LRP1B: variants seen among roughly 807,000 people sequenced by gnomAD.
LRP1B encodes LDL receptor related protein 1B, also known as low-density lipoprotein receptor-related protein 1B.
In LRP1B, 217 loss-of-function variants were observed where a neutral mutation model predicts 556.6. That is an observed-to-expected ratio of 0.39 (90% CI 0.35 to 0.44). LRP1B has a LOEUF of 0.44. Ranked by LOEUF, LRP1B falls within the 20% of genes least tolerant of loss-of-function variation. The pLI, the probability that LRP1B is intolerant of heterozygous loss-of-function variation, is 1.00. For synonymous variants in LRP1B, 2,047 were observed against 1,865.8 expected (o/e 1.10, Z -2.50); for missense variants, 5,053 against 5,620.8 (o/e 0.90, Z 3.23).
At chr2:140,531,717 C>T (rs985150155) in intron 47 of LRP1B, among the ~76,000 whole-genome samples, 6 of 152,088 alleles carry the variant, frequency 3.9e-5, no homozygotes, top group East Asian at 1.9e-4. Flanking sequence ...CTTCAACCAA[C>T]GTGCTCTTGC....
intron 78 of LRP1B, among the ~76,000 whole-genome samples, chr2:140,335,160 C>T (rs1214869043): frequency 6.6e-6 from 1 of 150,908 alleles, no homozygotes; most frequent in Middle Eastern, 3.4e-3. Flanking sequence ...ATGTCTGTAA[C>T]ACACTCTTTA....
chr2:140,956,619 A>G (rs1695880767), intron 18 of LRP1B, among the ~76,000 whole-genome samples: 1 of 151,816 alleles, frequency 6.6e-6, no homozygotes, highest in South Asian at 2.1e-4. Flanking sequence ...CAGACTTCAA[A>G]TGATCCAATA....
At position 141,887,367 on chromosome 2, in the gene LRP1B, T is replaced by A. The variant is rs560614035; in HGVS notation, c.83-76966A>T. 1.2e-4 allele frequency among the ~76,000 whole-genome samples: 18 copies of A among 152,298 alleles called. No homozygotes were observed. In the East Asian group the frequency reaches 3.3e-3, roughly 28 times the overall value. On this transcript the variant is annotated intron_variant, in intron 1 of 90. Coordinates refer to ENST00000389484, the MANE Select transcript of LRP1B (RefSeq NM_018557.3). ...AATGAACAGGAATGGCATTCCACGGTCAGACTTAGGAATGCCATAATTTGT... is the reference window on the plus strand; with the variant it reads ...AATGAACAGGAATGGCATTCCACGGACAGACTTAGGAATGCCATAATTTGT...
Position 141,326,992 on chromosome 2 carries a change from G to T in LRP1B, c.344-72351C>A, listed in dbSNP as rs549695309. ...TATTGCATCAATCTAGCAAAAAAGT[G>T]ATGGTAGCAGCAAAGGGGAAAAAAG... On this transcript the variant is annotated intron_variant, in intron 3 of 90. Coordinates refer to ENST00000389484, the MANE Select transcript of LRP1B (RefSeq NM_018557.3). 5.9e-5 allele frequency among the ~76,000 whole-genome samples: 9 copies of T among 152,284 alleles called. No individual in the cohort carries two copies. In the South Asian group the frequency reaches 1.9e-3, roughly 32 times the overall value.
intron 20 of LRP1B, among the ~76,000 whole-genome samples, chr2:140,939,885 ATT>A (rs3063651): frequency 1.5e-5 from 2 of 132,648 alleles, no homozygotes; most frequent in African/African-American, 2.8e-5. Context: ...ATTTGGTGTA[ATT>A]TTTTTTTTTT....
At chr2:141,508,259 C>T (rs900204546) in intron 2 of LRP1B, among the ~76,000 whole-genome samples, 1 of 152,108 alleles carries the variant, frequency 6.6e-6, no homozygotes, top group African/African-American at 2.4e-5. Flanking sequence ...TCTTTAAATG[C>T]TGGCTTACTA....
intron 1 of LRP1B, among the ~76,000 whole-genome samples, chr2:141,873,321 A>G (rs80076180): frequency 0.17 from 26,209 of 151,880 alleles, 2,303 homozygotes; most frequent in South Asian, 0.19. Context: ...TTAGTGGGGT[A>G]TGATAGCATG....
chr2:141,780,226 GA>G (rs1695208916), intron 2 of LRP1B, among the ~76,000 whole-genome samples: 2 of 151,894 alleles, frequency 1.3e-5, no homozygotes, highest in African/African-American at 4.8e-5. Flanking sequence ...TCAATTATAG[GA>G]AAATGTCAAA....
At chr2:140,692,313 T>A (rs1178707835) in intron 41 of LRP1B, among the ~76,000 whole-genome samples, 1 of 152,136 alleles carries the variant, frequency 6.6e-6, no homozygotes, top group Non-Finnish European at 1.5e-5. Flanking sequence ...AAGATAACTA[T>A]GTAAATAGAT....
At chr2:140,572,817 T>TAAAATAAAAC (rs1681376057) in intron 43 of LRP1B, among the ~76,000 whole-genome samples, 1 of 150,624 alleles carries the variant, frequency 6.6e-6, no homozygotes, top group Non-Finnish European at 1.5e-5. Context: ...TAAAATAAAA[T>TAAAATAAAAC]AAAATAAAAT....
At chr2:140,374,381 A>C (rs922539504) in intron 68 of LRP1B, among the ~76,000 whole-genome samples, 7 of 152,166 alleles carry the variant, frequency 4.6e-5, no homozygotes, top group Non-Finnish European at 1.0e-4. Flanking sequence ...GTTCATCCCC[A>C]TATAAGGAAA....
intron 35 of LRP1B, among the ~76,000 whole-genome samples, chr2:140,725,374 T>TA (rs1320321314): frequency 6.6e-6 from 1 of 151,922 alleles, no homozygotes; most frequent in Non-Finnish European, 1.5e-5. Flanking sequence ...TATTGATATA[T>TA]AAAATCACTC....
intron 66 of LRP1B, among the ~76,000 whole-genome samples, chr2:140,388,650 A>C (rs1683872391): frequency 6.6e-6 from 1 of 152,212 alleles, no homozygotes; most frequent in Non-Finnish European, 1.5e-5. Context: ...CCATGAAATT[A>C]CTTGTAAAAG....
At chr2:141,778,198 C>G (rs760660250) in intron 2 of LRP1B, among the ~76,000 whole-genome samples, 1 of 152,180 alleles carries the variant, frequency 6.6e-6, no homozygotes, top group African/African-American at 2.4e-5. Context: ...AGAAATCCCA[C>G]TAGGATGAAT....
chr2:141,130,452 G>T (rs893693380), intron 7 of LRP1B, among the ~76,000 whole-genome samples: 4 of 152,024 alleles, frequency 2.6e-5, no homozygotes, highest in African/African-American at 9.7e-5. Context: ...GATAATGTTT[G>T]TAATGTGTTA....
At chr2:141,609,116 G>A (rs1412281205) in intron 2 of LRP1B, among the ~76,000 whole-genome samples, 12 of 151,988 alleles carry the variant, frequency 7.9e-5, no homozygotes, top group East Asian at 1.9e-4. Flanking sequence ...AATATCTTAC[G>A]TCAACAATGG....
At position 140,841,043 on chromosome 2, in the gene LRP1B, T is replaced by C. The variant is rs1692089426; in HGVS notation, c.4989A>G (p.Leu1663=). Residue 1663 remains leucine, a synonymous_variant, in exon 30 of 91, where the codon TTA becomes TTG. Transcript: ENST00000389484. ...GLAVDWVSRN[L]YWISSEFDET... The stretch of plus-strand genomic sequence containing the variant: ...CATCAAATTCTGAGCTAATCCAGTA[T>C]AAATTACGTGACACCCAATCCACTG... 2 of 1,613,142 alleles carry C rather than the reference T, an allele frequency of 1.2e-6. No individual in the cohort carries two copies. The highest frequency in any genetic ancestry group is 3.3e-5 in the Admixed American group (2 of 59,920).
intron 74 of LRP1B, among the ~76,000 whole-genome samples, 191 bp from the exon 75 acceptor site, chr2:140,356,667 A>G (rs1260232190): frequency 1.3e-5 from 2 of 151,856 alleles, no homozygotes; most frequent in Non-Finnish European, 2.9e-5. Flanking sequence ...AACTAAACTC[A>G]TTAACATTAA....
intron 3 of LRP1B, among the ~76,000 whole-genome samples, chr2:141,261,631 C>T (rs1180185644): frequency 6.6e-6 from 1 of 152,048 alleles, no homozygotes; most frequent in Non-Finnish European, 1.5e-5. Flanking sequence ...TTGAGTCTGA[C>T]ATCTTTTACT....
Sources: allele counts gnomAD v4.1 joint callset (sites outside exome capture counted in the v4.1 genomes callset), GRCh38; gene constraint gnomAD v4.1.1; transcripts MANE v1.5; gene names NCBI Gene and HGNC (gene_info 2026-07-23, HGNC 2026-07-21).